PLEC: variants seen among roughly 807,000 people sequenced by gnomAD.
PLEC encodes the protein hemidesmosomal protein 1.
In PLEC, 216 loss-of-function variants were observed where a neutral mutation model predicts 392.8. The ratio of observed to expected loss-of-function variants is 0.55; its 90% confidence interval spans 0.49 to 0.62. The LOEUF is 0.62. PLEC is among the 20% of genes least tolerant of loss of function. The pLI is 0.00. For synonymous variants in PLEC, 3,621 were observed against 2,980.6 expected (o/e 1.21, Z -7.00); for missense variants, 6,863 against 6,563.4 (o/e 1.05, Z -1.58).
rs375454561 is a variant in PLEC, at chr8:143,921,582, G to A, written c.8239C>T (p.Arg2747Trp). ...GFLLDPVRNR[R>W]LTVNEAVKEG... ...TTCACAGCCTCGTTGACGGTCAGCCGCCGGTTCCGCACAGGGTCCAGCAGG... is the reference window on the plus strand; with the variant it reads ...TTCACAGCCTCGTTGACGGTCAGCCACCGGTTCCGCACAGGGTCCAGCAGG... The change falls in exon 32 of 32, where the codon CGG (arginine) becomes TGG (tryptophan). Residue 2747 changes from arginine to tryptophan, a missense_variant. Arg to Trp is a moderately radical substitution (Grantham distance 101, BLOSUM62 -3). Transcript: ENST00000345136. The A allele has an allele frequency of 2.6e-5, 42 of 1,612,132 alleles. No individual in the cohort carries two copies. Among genetic ancestry groups the A allele is most frequent in the East Asian group, 8.9e-5 (4 of 44,880 alleles).
Position 143,929,842 on chromosome 8 carries a change from C to G in PLEC, c.2740-13G>C, listed in dbSNP as rs370341865. The G allele has an allele frequency of 6.3e-7, 1 of 1,599,780 alleles. No homozygotes were observed. Among genetic ancestry groups the G allele is most frequent in the Non-Finnish European group, 8.5e-7 (1 of 1,178,700 alleles). Reference sequence around the variant, plus strand: ...TCAGGGTGCGGAACTGGGGGAAGCACGTGGGGCTGAGTGCCGGGCGAGGCG... The same window carrying G: ...TCAGGGTGCGGAACTGGGGGAAGCAGGTGGGGCTGAGTGCCGGGCGAGGCG... On this transcript the variant is annotated splice_polypyrimidine_tract_variant and intron_variant, in intron 22 of 31. Coordinates refer to ENST00000345136, the MANE Select transcript of PLEC (RefSeq NM_201384.3).
In PLEC at chr8:143,921,850, C is replaced by T. The variant is rs368170940; in HGVS notation, c.7971G>A (p.Arg2657=). 1.2e-6 allele frequency: 2 copies of T among 1,604,904 alleles called. No homozygotes were observed. Among genetic ancestry groups the T allele is most frequent in the African/African-American group, 2.7e-5 (2 of 74,930 alleles). Residue 2657 remains arginine, a synonymous_variant, in exon 32 of 32, where the codon AGG becomes AGA. Coordinates refer to ENST00000345136, the MANE Select transcript of PLEC (RefSeq NM_201384.3). ...DGLRRKVSAQ[R]LQEAGILSAE... ...CACTCAGGATGCCGGCCTCCTGCAG[C>T]CTCTGAGCTGACACCTTCCGCCGCA...
rs931562484 is a variant in PLEC at position 143,916,089 on chromosome 8, A to G, written c.*88T>C. 3 of 861,622 alleles carry G rather than the reference A, an allele frequency of 3.5e-6. No individual in the cohort carries two copies. Among genetic ancestry groups the G allele is most frequent in the Non-Finnish European group, 5.2e-6 (3 of 580,098 alleles). 53.4% of individuals were successfully genotyped at this position (861,622 alleles called of 1,614,324 possible). On this transcript the variant is annotated 3_prime_UTR_variant, in exon 32 of 32. Coordinates refer to ENST00000345136, the MANE Select transcript of PLEC (RefSeq NM_201384.3). Reference sequence around the variant, plus strand: ...TAAACTTTAGGCACCACTTGGGAGGAAGACACCTTTAAGCGTTGAAAACGG... The same window carrying G: ...TAAACTTTAGGCACCACTTGGGAGGGAGACACCTTTAAGCGTTGAAAACGG...
intron 1 of PLEC, among the ~76,000 whole-genome samples, chr8:143,967,437 C>G (rs1554742673): frequency 6.6e-6 from 1 of 151,228 alleles, no homozygotes; most frequent in Non-Finnish European, 1.5e-5. Context: ...TGAGACCCAT[C>G]CATGGTGTGC....
At position 143,923,905 on chromosome 8, in the gene PLEC, C is replaced by T. The variant is rs1564029121; in HGVS notation, c.6024G>A (p.Leu2008=). The change falls in exon 31 of 32, where the codon CTG becomes CTA. Residue 2008 remains leucine (L), a synonymous_variant. Coordinates refer to ENST00000345136, the MANE Select transcript of PLEC (RefSeq NM_201384.3). ...EEAARQRKAA[L]EEVERLKAKV... ...TGGCTTTCAGCCGCTCGACTTCCTC[C>T]AGCGCCGCCTTCCGCTGCCGTGCGG... The T allele has an allele frequency of 1.3e-6, 2 of 1,595,156 alleles. No individual in the cohort carries two copies. Among genetic ancestry groups the T allele is most frequent in the Non-Finnish European group, 8.5e-7 (1 of 1,178,238 alleles).
At chr8:143,950,154 A>T in intron 1 of PLEC, 2 of 1,476,690 alleles carry the variant, frequency 1.4e-6, no homozygotes, top group Non-Finnish European at 1.8e-6. Flanking sequence ...CTTGCCACCC[A>T]TCATGACTTG....
chr8:143,954,038 A>T, upstream of PLEC: 1 of 792,978 alleles, frequency 1.3e-6, no homozygotes, highest in Non-Finnish European at 1.8e-6. This position sits in a 1 kb window ranked among gnomAD's most constrained non-coding sequence, Gnocchi z 4.6. Context: ...CCAGGTCACC[A>T]GGCCGGATCC....
intron 1 of PLEC, among the ~76,000 whole-genome samples, chr8:143,971,033 A>G (rs926388918): frequency 1.1e-4 from 16 of 152,216 alleles, no homozygotes; most frequent in African/African-American, 3.6e-4. Flanking sequence ...TCAGGCAGAC[A>G]GGAAGTTGGC....
rs782310253 is a variant in PLEC at position 143,923,297 on chromosome 8, C to T, written c.6632G>A (p.Arg2211Gln). 2.1e-5 allele frequency: 34 copies of T among 1,608,786 alleles called. No homozygotes were observed. The highest frequency in any genetic ancestry group is 5.3e-5 in the African/African-American group (4 of 74,884). ...GGCCTCCGTGGCCTCCGCCTTCAGCCGCTGCAGCTCCTCGTCCAGCAGGTT... is the reference window on the plus strand; with the variant it reads ...GGCCTCCGTGGCCTCCGCCTTCAGCTGCTGCAGCTCCTCGTCCAGCAGGTT... ...QKNLLDEELQ[R>Q]LKAEATEAAR... Residue 2211 changes from arginine (R) to glutamine (Q), a missense_variant, in exon 31 of 32, where the codon CGG (arginine) becomes CAG (glutamine). Coordinates refer to ENST00000345136, the MANE Select transcript of PLEC (RefSeq NM_201384.3).
At chr8:143,954,522 CCAGATGACACTG>C (rs1832483462), upstream of PLEC, among the ~76,000 whole-genome samples, 1 of 152,210 alleles carries the variant, frequency 6.6e-6, no homozygotes, top group Non-Finnish European at 1.5e-5. The surrounding 1 kb of genome is among the most constrained non-coding windows in gnomAD (Gnocchi z 4.6). Context: ...TCCACTGCCG[CCAGATGACACTG>C]CAGCTCCATC....
At position 143,939,571 on chromosome 8, in the gene PLEC, C is replaced by G; in HGVS notation, c.-110G>C. 1 of 1,526,214 alleles carries G rather than the reference C, an allele frequency of 6.6e-7. No homozygotes were observed. The highest frequency in any genetic ancestry group is 8.8e-7 in the Non-Finnish European group (1 of 1,139,598). The allele number at this position is 1,526,214 out of a possible 1,614,324, so 94.5% of individuals were successfully genotyped here. A position where few individuals can be genotyped will look rare whatever the true frequency, so the allele number is the denominator to read the frequency against. On this transcript the variant is annotated 5_prime_UTR_variant, in exon 1 of 32. Transcript: ENST00000345136. ...GGCTGGCGGCCCCACGAGACGCTCA[C>G]TCGGCACAGGCTCAGCTCAGAGCCC...
At position 143,915,988 on chromosome 8, in the gene PLEC, G is replaced by C. The variant is rs1455299414; in HGVS notation, c.*189C>G. 1.4e-5 allele frequency: 7 copies of C among 494,802 alleles called. No individual in the cohort carries two copies. The highest frequency in any genetic ancestry group is 2.5e-5 in the Non-Finnish European group (7 of 284,402). 30.7% of individuals were successfully genotyped at this position (494,802 alleles called of 1,614,324 possible). On this transcript the variant is annotated 3_prime_UTR_variant, in exon 32 of 32. Transcript: ENST00000345136. ...GGGGGTGAGGCGGCCAGCAGGGCTGGGCCAGCCCTGTCCCCCAAGATACAG... is the reference window on the plus strand; with the variant it reads ...GGGGGTGAGGCGGCCAGCAGGGCTGCGCCAGCCCTGTCCCCCAAGATACAG...
Position 143,919,909 on chromosome 8 carries a change from G to C in PLEC, c.9912C>G (p.Ser3304=). 1 of 1,613,140 alleles carries C rather than the reference G, an allele frequency of 6.2e-7. No homozygotes were observed. ...EVETLRQERL[S]FSGLRAPVPA... ...GCACAGGGGCACGGAGGCCGCTGAA[G>C]GACAGCCTCTCCTGCCGCAGGGTCT... Residue 3304 remains serine (S), a synonymous_variant, in exon 32 of 32, where the codon TCC becomes TCG. Transcript: ENST00000345136.
At chr8:143,950,585 G>A in exon 1 of PLEC, 2 of 1,608,146 alleles carry the variant, frequency 1.2e-6, no homozygotes, top group South Asian at 2.2e-5. Flanking sequence ...GGTGACGCCG[G>A]GCACATGGGG....
At chr8:143,954,055 G>T (rs1268746748), upstream of PLEC, 1 of 636,938 alleles carries the variant, frequency 1.6e-6, no homozygotes, top group South Asian at 2.4e-5. This position sits in a 1 kb window ranked among gnomAD's most constrained non-coding sequence, Gnocchi z 4.6. Context: ...ATCCAGGAGC[G>T]CTCGGACGGC....
chr8:143,966,754 T>A lies in PLEC; in HGVS notation c.70+6649A>T, dbSNP rs1833117497. Among the ~76,000 whole-genome samples, 4 of 151,530 alleles carry A rather than the reference T, an allele frequency of 2.6e-5. No homozygotes were observed. The South Asian group carries it at 8.3e-4, about 32-fold the overall frequency. ...GCTCGGGGGCACAGAAGTGAAGCAA[T>A]ACACAGCCCCTGCGTCAGGAAGCCG... On this transcript the variant is annotated intron_variant, in intron 1 of 31. Transcript: ENST00000356346.
In PLEC at chr8:143,915,877, C is replaced by G. The variant is rs986880911; in HGVS notation, c.*300G>C. The G allele has an allele frequency of 1.5e-5, 4 of 260,826 alleles. No individual in the cohort carries two copies. The Admixed American group carries it at 2.1e-4, about 13-fold the overall frequency. 16.2% of individuals were successfully genotyped at this position (260,826 alleles called of 1,614,324 possible). On this transcript the variant is annotated 3_prime_UTR_variant, in exon 32 of 32. Transcript: ENST00000345136. ...TGGCAGGCGGGCTACCCTGGGAAGACAGGAGGGTGGGCTGGGGCCCAGCTT... is the reference window on the plus strand; with the variant it reads ...TGGCAGGCGGGCTACCCTGGGAAGAGAGGAGGGTGGGCTGGGGCCCAGCTT...
At position 143,920,337 on chromosome 8, in the gene PLEC, A is replaced by G; in HGVS notation, c.9484T>C (p.Cys3162Arg). The G allele has an allele frequency of 6.3e-7, 1 of 1,593,864 alleles. No homozygotes were observed. Among genetic ancestry groups the G allele is most frequent in the Non-Finnish European group, 8.5e-7 (1 of 1,175,432 alleles). Residue 3162 changes from cysteine (C) to arginine (R), a missense_variant, in exon 32 of 32, where the codon TGC (cysteine) becomes CGC (arginine). By Grantham distance (180) the Cys-to-Arg change is radical (BLOSUM62 -3). Coordinates refer to ENST00000345136, the MANE Select transcript of PLEC (RefSeq NM_201384.3). ...GCCCTGCTGGTCTCCTCATCCAGGC[A>G]GCCTCGGGCGCAGGCGACATCCAGG... Reference protein sequence around the residue: ...VPLDVACARGCLDEETSRALS... With the variant: ...VPLDVACARGRLDEETSRALS...
chr8:143,922,972 C>T lies in PLEC; in HGVS notation c.6957G>A (p.Val2319=). The stretch of plus-strand genomic sequence containing the variant: ...CAGCCTTGAGTCGCGTGGCCTCCTG[C>T]ACCGCCTGCATCTTCTCCTTGAGCA... ...EKMLKEKMQA[V]QEATRLKAEA... is the part of the protein sequence containing the mutation. The change falls in exon 31 of 32, where the codon GTG becomes GTA. Residue 2319 remains valine, a synonymous_variant. Transcript: ENST00000345136. The T allele has an allele frequency of 6.2e-7, 1 of 1,611,178 alleles. No homozygotes were observed. Among genetic ancestry groups the T allele is most frequent in the Non-Finnish European group, 8.5e-7 (1 of 1,179,166 alleles).
Sources: gnomAD v4.1 joint callset for allele counts (sites outside exome capture counted in the v4.1 genomes callset) on GRCh38, gnomAD v4.1.1 for gene constraint, Gnocchi (gnomAD v3.1) non-coding constraint, MANE v1.5 for transcripts, NCBI Gene and HGNC (gene_info 2026-07-23, HGNC 2026-07-21) for gene names.